CYSTM1: variants seen among roughly 807,000 people sequenced by gnomAD.
The protein encoded by CYSTM1 is cysteine-rich transmembrane module-containing protein 1.
Under a neutral mutation model 13.1 loss-of-function variants are expected in CYSTM1, and 4 were observed. The ratio of observed to expected loss-of-function variants is 0.31; its 90% confidence interval spans 0.15 to 0.70. The LOEUF is 0.70. Among genes scored for constraint, CYSTM1 ranks in the 30% least tolerant of loss-of-function variants. CYSTM1 has a pLI of 0.72. For missense variants in CYSTM1, 96 were observed against 121.6 expected (o/e 0.79, Z 0.99); for synonymous variants, 36 against 42.7 (o/e 0.84, Z 0.62).
At chr5:140,190,876 G>T (rs1198446638) in intron 1 of CYSTM1, among the ~76,000 whole-genome samples, 1 of 152,180 alleles carries the variant, frequency 6.6e-6, no homozygotes, top group Admixed American at 6.5e-5. Context: ...CATTTGATCT[G>T]TAGTAAAACA....
At chr5:140,233,802 C>A (rs1231389227) in intron 2 of CYSTM1, among the ~76,000 whole-genome samples, 1 of 152,154 alleles carries the variant, frequency 6.6e-6, no homozygotes, top group Non-Finnish European at 1.5e-5. Context: ...AGTCTTTTAT[C>A]CACTTTCAAA....
At chr5:140,218,204 A>C (rs1764454132) in intron 2 of CYSTM1, among the ~76,000 whole-genome samples, 1 of 152,218 alleles carries the variant, frequency 6.6e-6, no homozygotes, top group Admixed American at 6.5e-5. Context: ...GGACTAAGGC[A>C]GTACCTTAGA....
At position 140,212,989 on chromosome 5, in the gene CYSTM1, A is replaced by G. The variant is rs1476800264; in HGVS notation, c.187+18337A>G. The stretch of plus-strand genomic sequence containing the variant: ...TCTCAAAAACAAAACAAAAGTATAT[A>G]TATATATATATATATATATATGAGA... On this transcript the variant is annotated intron_variant, in intron 2 of 2. Coordinates refer to ENST00000261811, the MANE Select transcript of CYSTM1 (RefSeq NM_032412.4). Among the ~76,000 whole-genome samples the G allele has an allele frequency of 5.3e-5, 5 of 93,874 alleles. 1 individual carries two copies. The highest frequency in any genetic ancestry group is 1.1e-4 in the Non-Finnish European group (5 of 47,432). 61.6% of individuals were successfully genotyped at this position (93,874 alleles called of 152,430 possible).
chr5:140,177,674 A>C (rs1763907585), intron 1 of CYSTM1, among the ~76,000 whole-genome samples: 1 of 152,214 alleles, frequency 6.6e-6, no homozygotes, highest in South Asian at 2.1e-4. Flanking sequence ...GAAGCCCCGA[A>C]GTGTGTAAAA....
At chr5:140,208,869 C>T (rs1764329556) in intron 2 of CYSTM1, among the ~76,000 whole-genome samples, 1 of 152,016 alleles carries the variant, frequency 6.6e-6, no homozygotes, top group Non-Finnish European at 1.5e-5. Context: ...GAAACCCTGT[C>T]TCTACTAAAA....
At chr5:140,201,133 A>G (rs985964995) in intron 2 of CYSTM1, 5 of 152,234 alleles carry the variant, frequency 3.3e-5, no homozygotes, top group Admixed American at 3.3e-4. Context: ...GGAATAATGA[A>G]TAATGGCTGT....
chr5:140,190,394 G>A (rs1357206312), intron 1 of CYSTM1, among the ~76,000 whole-genome samples: 1 of 152,146 alleles, frequency 6.6e-6, no homozygotes, highest in African/African-American at 2.4e-5. Flanking sequence ...GTATGAGGCA[G>A]TAAATAGTCC....
chr5:140,229,934 G>A (rs1764601224), intron 2 of CYSTM1, among the ~76,000 whole-genome samples: 1 of 152,046 alleles, frequency 6.6e-6, no homozygotes, highest in Non-Finnish European at 1.5e-5. Context: ...GCAGTGTCAC[G>A]ATCTCGGCTC....
intron 1 of CYSTM1, among the ~76,000 whole-genome samples, chr5:140,183,287 C>T (rs1349753401): frequency 1.3e-5 from 2 of 152,150 alleles, no homozygotes; most frequent in African/African-American, 4.8e-5. Flanking sequence ...CATGCCCTAA[C>T]CGCTCCTTTC....
At chr5:140,205,015 G>A (rs1432230902) in intron 2 of CYSTM1, among the ~76,000 whole-genome samples, 1 of 152,174 alleles carries the variant, frequency 6.6e-6, no homozygotes, top group Admixed American at 6.5e-5. Flanking sequence ...AATGAAATAA[G>A]TTCTACTTTA....
At chr5:140,235,768 C>A (rs1429957483) in intron 2 of CYSTM1, among the ~76,000 whole-genome samples, 1 of 152,216 alleles carries the variant, frequency 6.6e-6, no homozygotes, top group African/African-American at 2.4e-5. Flanking sequence ...TCAGCCCCTT[C>A]CTACGCTTTG....
chr5:140,180,898 G>A (rs1391334175), intron 1 of CYSTM1, among the ~76,000 whole-genome samples: 1 of 152,200 alleles, frequency 6.6e-6, no homozygotes, highest in African/African-American at 2.4e-5. Context: ...AAGAGTAAAT[G>A]CCTTATTCAG....
At chr5:140,222,316 C>T (rs573612467) in intron 2 of CYSTM1, among the ~76,000 whole-genome samples, 1 of 152,252 alleles carries the variant, frequency 6.6e-6, no homozygotes, top group Non-Finnish European at 1.5e-5. Flanking sequence ...GTGTAACTTC[C>T]TAGGAAAGTA....
At chr5:140,194,750 C>A in intron 2 of CYSTM1, 98 bp downstream of exon 2, 1 of 1,430,462 alleles carries the variant, frequency 7.0e-7, no homozygotes, top group Non-Finnish European at 9.4e-7. Flanking sequence ...CCAGCCTTTG[C>A]AACTTGTGCT....
intron 2 of CYSTM1, among the ~76,000 whole-genome samples, chr5:140,206,996 GAGC>G (rs1422587263): frequency 6.6e-6 from 1 of 152,046 alleles, no homozygotes; most frequent in Non-Finnish European, 1.5e-5. Context: ...TCACATCTCT[GAGC>G]ACATATCCTG....
At chr5:140,234,294 A>C (rs1440451190) in intron 2 of CYSTM1, among the ~76,000 whole-genome samples, 1 of 152,164 alleles carries the variant, frequency 6.6e-6, no homozygotes, top group Non-Finnish European at 1.5e-5. Context: ...TCTTCATTCC[A>C]TTCCTTTGAT....
intron 2 of CYSTM1, among the ~76,000 whole-genome samples, chr5:140,222,655 G>A (rs1764505139): frequency 1.3e-5 from 2 of 152,262 alleles, no homozygotes; most frequent in South Asian, 4.1e-4. Context: ...GCTCTTGTGA[G>A]TGAGGCAGGG....
At chr5:140,209,147 G>A (rs1239185871) in intron 2 of CYSTM1, among the ~76,000 whole-genome samples, 1 of 152,064 alleles carries the variant, frequency 6.6e-6, no homozygotes, top group Non-Finnish European at 1.5e-5. Flanking sequence ...CGTGATTCAA[G>A]ATGAAGAAGA....
chr5:140,179,325 G>A (rs1212252908), intron 1 of CYSTM1, among the ~76,000 whole-genome samples: 4 of 151,474 alleles, frequency 2.6e-5, no homozygotes, highest in Admixed American at 6.6e-5. Flanking sequence ...TTGGGAGGCC[G>A]AGGTGGGTGG....
Sources: allele counts gnomAD v4.1 joint callset (sites outside exome capture counted in the v4.1 genomes callset), GRCh38; gene constraint gnomAD v4.1.1; transcripts MANE v1.5; gene names NCBI Gene and HGNC (gene_info 2026-07-23, HGNC 2026-07-21).